EYS: variants seen among roughly 807,000 people sequenced by gnomAD.
The protein encoded by EYS is protein eyes shut homolog.
EYS carries 250 observed loss-of-function variants against 282.1 expected under a neutral mutation model. The observed-to-expected ratio is 0.89, with a 90% CI of 0.80 to 0.98. The LOEUF (loss-of-function observed/expected upper bound fraction) is 0.98. EYS is among the 50% of genes least tolerant of loss of function. The pLI, the probability that EYS is intolerant of heterozygous loss-of-function variation, is 0.00. For synonymous variants in EYS, 1,355 were observed against 1,282.9 expected (o/e 1.06, Z -1.20); for missense variants, 4,016 against 3,709.0 (o/e 1.08, Z -2.15).
intron 12 of EYS, among the ~76,000 whole-genome samples, chr6:65,068,234 C>A (rs1259339869): frequency 2.0e-5 from 3 of 152,094 alleles, no homozygotes; most frequent in Non-Finnish European, 2.9e-5. Flanking sequence ...TCTCAACATT[C>A]TACTTTCCAA....
intron 11 of EYS, among the ~76,000 whole-genome samples, chr6:65,328,326 T>C (rs1048120734): frequency 4.6e-5 from 7 of 151,466 alleles, no homozygotes; most frequent in Admixed American, 2.0e-4. Context: ...AAAGCACTCA[T>C]CACTTTTCAC....
At chr6:64,025,443 C>T (rs985316063) in intron 33 of EYS, among the ~76,000 whole-genome samples, 1 of 152,196 alleles carries the variant, frequency 6.6e-6, no homozygotes, top group African/African-American at 2.4e-5. Context: ...CCCCTTGGGT[C>T]CTAATGCCTA....
chr6:65,629,421 G>T (rs1033808187), intron 2 of EYS, among the ~76,000 whole-genome samples: 1 of 152,132 alleles, frequency 6.6e-6, no homozygotes, highest in Admixed American at 6.5e-5. Flanking sequence ...AAAGTCACTA[G>T]ATATCGACCA....
intron 6 of EYS, 29 bp from the exon 7 acceptor site, chr6:65,402,634 A>G (rs1365664184): frequency 6.2e-6 from 9 of 1,457,170 alleles, no homozygotes; most frequent in Middle Eastern, 3.5e-4. Flanking sequence ...ATATTTTTAC[A>G]AAGTATTATG....
chr6:65,446,921 A>T (rs1448395055), intron 5 of EYS, among the ~76,000 whole-genome samples: 1 of 151,830 alleles, frequency 6.6e-6, no homozygotes, highest in Non-Finnish European at 1.5e-5. Context: ...AAAAAAAGCC[A>T]TTCTAATAAT....
chr6:64,125,159 T>TCTCTCTCTCTCTCTCTCG (rs1773727855), intron 31 of EYS, among the ~76,000 whole-genome samples: 2 of 150,888 alleles, frequency 1.3e-5, no homozygotes, highest in Admixed American at 1.3e-4. Flanking sequence ...TCTCTGTCTC[T>TCTCTCTCTCTCTCTCTCG]CTCTCTCTCT....
chr6:63,852,611 T>C (rs1772288255), intron 36 of EYS, among the ~76,000 whole-genome samples: 1 of 151,740 alleles, frequency 6.6e-6, no homozygotes, highest in Non-Finnish European at 1.5e-5. Flanking sequence ...AAGAAGAGGG[T>C]CTCCTCCCTA....
At chr6:64,296,594 ATATATTTT>A (rs1561913879) in intron 30 of EYS, among the ~76,000 whole-genome samples, 20 of 4,862 alleles carry the variant, frequency 4.1e-3, no homozygotes, top group African/African-American at 0.011. Context: ...ACATATATAT[ATATATTTT>A]TTTTTTTTTT....
intron 12 of EYS, among the ~76,000 whole-genome samples, chr6:65,228,290 G>T (rs942339281): frequency 6.6e-6 from 1 of 151,930 alleles, no homozygotes; most frequent in East Asian, 1.9e-4. Flanking sequence ...TGACATAATT[G>T]TCTATGTGGA....
chr6:64,498,484 C>T (rs576342599), intron 26 of EYS, among the ~76,000 whole-genome samples: 8 of 151,280 alleles, frequency 5.3e-5, no homozygotes, highest in Non-Finnish European at 1.2e-4. Context: ...AATTTAAGTT[C>T]TGGGATACAT....
rs73741283 is a variant in EYS, at chr6:65,259,977, A to C, written c.2023+35886T>G. On this transcript the variant is annotated intron_variant, in intron 12 of 42. Coordinates refer to ENST00000503581, the MANE Select transcript of EYS (RefSeq NM_001142800.2). ...TTTAATTTACGCAATATATTAGTCC[A>C]TTTTCATACTGCTATAAAGAACGGC... 2.7e-3 allele frequency among the ~76,000 whole-genome samples: 411 copies of C among 152,160 alleles called. 6 individuals carry two copies. The highest frequency in any genetic ancestry group is 0.01 in the Middle Eastern group (3 of 294).
At chr6:64,359,575 G>A (rs917800166) in intron 29 of EYS, among the ~76,000 whole-genome samples, 1 of 151,636 alleles carries the variant, frequency 6.6e-6, no homozygotes, top group African/African-American at 2.4e-5. Flanking sequence ...CCATAGACTG[G>A]GTGGCTTCAA....
intron 18 of EYS, among the ~76,000 whole-genome samples, chr6:64,901,840 A>G (rs1767676259): frequency 6.6e-6 from 1 of 152,196 alleles, no homozygotes; most frequent in Admixed American, 6.6e-5. Flanking sequence ...ACTCTACACA[A>G]TATTGTTTTG....
intron 30 of EYS, among the ~76,000 whole-genome samples, chr6:64,272,135 A>G (rs1253205971): frequency 6.6e-6 from 1 of 152,194 alleles, no homozygotes. Flanking sequence ...TCCAAAAGAT[A>G]TAGAAACCCA....
At chr6:64,740,819 T>C (rs930416341) in intron 22 of EYS, among the ~76,000 whole-genome samples, 34 of 152,028 alleles carry the variant, frequency 2.2e-4, no homozygotes, top group African/African-American at 7.7e-4. Flanking sequence ...GTTCACACCA[T>C]TCTCCTGCCT....
chr6:63,974,867 C>T (rs2149786114), intron 35 of EYS, among the ~76,000 whole-genome samples: 1 of 152,148 alleles, frequency 6.6e-6, no homozygotes, highest in Non-Finnish European at 1.5e-5. Flanking sequence ...TGTTGCTACA[C>T]TCAAGGATGG....
chr6:65,339,792 A>T (rs1217308569), intron 10 of EYS, among the ~76,000 whole-genome samples: 1 of 151,196 alleles, frequency 6.6e-6, no homozygotes, highest in Non-Finnish European at 1.5e-5. Flanking sequence ...ATTTTCTTTG[A>T]TGTTTACATT....
chr6:63,852,654 C>T (rs964939630), intron 36 of EYS, among the ~76,000 whole-genome samples: 1 of 152,098 alleles, frequency 6.6e-6, no homozygotes, highest in Non-Finnish European at 1.5e-5. Flanking sequence ...CATCCTGATA[C>T]CAAAACCTGG....
chr6:63,990,456 T>C (rs1461096202), intron 34 of EYS, among the ~76,000 whole-genome samples: 4 of 151,732 alleles, frequency 2.6e-5, no homozygotes, highest in African/African-American at 4.8e-5. Flanking sequence ...AGTTTTGCCT[T>C]GGGAAAAGAA....
Sources: gnomAD v4.1 joint callset for allele counts (sites outside exome capture counted in the v4.1 genomes callset) on GRCh38, gnomAD v4.1.1 for gene constraint, MANE v1.5 for transcripts, NCBI Gene and HGNC (gene_info 2026-07-23, HGNC 2026-07-21) for gene names.